ST18: variants seen among roughly 807,000 people sequenced by gnomAD.
ST18 encodes suppression of tumorigenicity 18 protein.
ST18 carries 50 observed loss-of-function variants against 110.0 expected under a neutral mutation model. That is an observed-to-expected ratio of 0.45 (90% CI 0.36 to 0.58). ST18 has a LOEUF of 0.58. Ranked by LOEUF, ST18 falls within the 20% of genes least tolerant of loss-of-function variation. ST18 has a pLI of 0.00. For missense variants in ST18, 1,306 were observed against 1,280.1 expected (o/e 1.02, Z -0.31); for synonymous variants, 461 against 452.4 (o/e 1.02, Z -0.24).
intron 15 of ST18, among the ~76,000 whole-genome samples, chr8:52,156,888 G>A (rs542114293): frequency 1.5e-4 from 23 of 152,290 alleles, no homozygotes; most frequent in African/African-American, 5.3e-4. Flanking sequence ...AGAACTCCCA[G>A]CATAACAAAC....
chr8:52,389,009 G>A, intron 2 of ST18, among the ~76,000 whole-genome samples: 1 of 151,722 alleles, frequency 6.6e-6, no homozygotes, highest in East Asian at 1.9e-4. Context: ...ACTTGGTGTC[G>A]GCGAGAAGGG....
chr8:52,243,983 T>C (rs1018738802), intron 2 of ST18, among the ~76,000 whole-genome samples: 5 of 152,144 alleles, frequency 3.3e-5, no homozygotes, highest in African/African-American at 1.2e-4. Context: ...TCCCCTCAGC[T>C]TACTTGCAGT....
intron 25 of ST18, among the ~76,000 whole-genome samples, chr8:52,115,507 A>G (rs983837891): frequency 6.6e-6 from 1 of 152,236 alleles, no homozygotes; most frequent in African/African-American, 2.4e-5. Context: ...ATGTTTAGAT[A>G]CACAAATACT....
intron 2 of ST18, among the ~76,000 whole-genome samples, chr8:52,392,883 T>A (rs1839779858): frequency 6.6e-6 from 1 of 152,182 alleles, no homozygotes; most frequent in East Asian, 1.9e-4. Context: ...CCATGACCAG[T>A]CTGACTGGTC....
chr8:52,279,965 C>T (rs1433958848), intron 2 of ST18, among the ~76,000 whole-genome samples: 3 of 151,958 alleles, frequency 2.0e-5, no homozygotes, highest in Non-Finnish European at 4.4e-5. Flanking sequence ...TAAACAGATA[C>T]CAATGCTAGA....
chr8:52,335,649 C>T (rs1564521072), intron 2 of ST18, among the ~76,000 whole-genome samples: 1 of 152,114 alleles, frequency 6.6e-6, no homozygotes, highest in Non-Finnish European at 1.5e-5. Context: ...AGTTTTCTAC[C>T]TGTGGTGTCA....
rs2065177313 is a variant in ST18, at chr8:52,172,107, A to G, written c.754T>C (p.Ser252Pro). The G allele has an allele frequency of 6.2e-7, 1 of 1,614,116 alleles. No homozygotes were observed. Among genetic ancestry groups the G allele is most frequent in the South Asian group, 1.1e-5 (1 of 91,092 alleles). Reference protein sequence around the residue: ...KFIPCENRCDSETERKDPQNA... With the variant: ...KFIPCENRCDPETERKDPQNA... Reference sequence around the variant, plus strand: ...TGCGGGTCTTTCCTTTCTGTTTCAGAATCACACCTGTTCTCACAAGGGATA... The same window carrying G: ...TGCGGGTCTTTCCTTTCTGTTTCAGGATCACACCTGTTCTCACAAGGGATA... Residue 252 changes from serine to proline, a missense_variant, in exon 10 of 26, where the codon TCT (serine) becomes CCT (proline). By Grantham distance (74) the Ser-to-Pro change is moderately conservative. Transcript: ENST00000689386.
chr8:52,393,425 C>T (rs577660780), intron 2 of ST18, among the ~76,000 whole-genome samples: 60 of 152,262 alleles, frequency 3.9e-4, no homozygotes, highest in African/African-American at 1.4e-3. Context: ...TGCATTGCAA[C>T]ACATCCTCAA....
At chr8:52,273,010 A>T (rs1277047316) in intron 2 of ST18, among the ~76,000 whole-genome samples, 1 of 152,246 alleles carries the variant, frequency 6.6e-6, no homozygotes, top group African/African-American at 2.4e-5. Flanking sequence ...AGAGTCAACA[A>T]TAATGTGCAC....
intron 8 of ST18, among the ~76,000 whole-genome samples, chr8:52,193,204 G>A (rs778927024): frequency 6.6e-6 from 1 of 152,202 alleles, no homozygotes; most frequent in Non-Finnish European, 1.5e-5. Context: ...AGATAATGAA[G>A]TTAATATACA....
At chr8:52,118,509 T>C (rs552375073) in intron 23 of ST18, 68 bp from the exon 24 acceptor site, 2 of 874,486 alleles carry the variant, frequency 2.3e-6, no homozygotes, top group Admixed American at 2.9e-5. Context: ...ATATGTTTAA[T>C]TTGTGATTTG....
At chr8:52,301,828 C>G (rs1490918104) in intron 2 of ST18, 3 of 151,766 alleles carry the variant, frequency 2.0e-5, no homozygotes, top group African/African-American at 4.8e-5. Flanking sequence ...CCTTTTTTTC[C>G]TCATTTCTTT....
rs139903672 is a variant in ST18 at position 52,164,774 on chromosome 8, C to A, written c.1295+361G>T. On this transcript the variant is annotated intron_variant, in intron 12 of 25. Transcript: ENST00000689386. Reference sequence around the variant, plus strand: ...CTTTTTAATGTCTATTGGACAGGATCCAGGATAACCTAGAAGCAACTCTTT... The same window carrying A: ...CTTTTTAATGTCTATTGGACAGGATACAGGATAACCTAGAAGCAACTCTTT... Among the ~76,000 whole-genome samples, 1,049 of 152,274 alleles carry A rather than the reference C, an allele frequency of 6.9e-3. 7 individuals carry two copies. The highest frequency in any genetic ancestry group is 0.01 in the Middle Eastern group (3 of 294).
At position 52,330,393 on chromosome 8, in the gene ST18, G is replaced by C. The variant is rs1328514205; in HGVS notation, c.-465+78935C>G. ...AGCTTTGAGAGACAAAAAATAATAAGAGTCTTCTAGGCTGTAGGCCAATAC... is the reference window on the plus strand; with the variant it reads ...AGCTTTGAGAGACAAAAAATAATAACAGTCTTCTAGGCTGTAGGCCAATAC... On this transcript the variant is annotated intron_variant, in intron 2 of 25. Coordinates refer to ENST00000689386, the MANE Select transcript of ST18 (RefSeq NM_001352837.2). 2.6e-5 allele frequency among the ~76,000 whole-genome samples: 4 copies of C among 152,136 alleles called. No homozygotes were observed. In the East Asian group the frequency reaches 7.7e-4, roughly 29 times the overall value.
intron 2 of ST18, among the ~76,000 whole-genome samples, chr8:52,373,582 T>C (rs933757019): frequency 1.3e-5 from 2 of 151,982 alleles, no homozygotes; most frequent in Non-Finnish European, 2.9e-5. Flanking sequence ...TCCCACTACC[T>C]GCTAGCACCT....
intron 2 of ST18, among the ~76,000 whole-genome samples, chr8:52,322,269 T>A (rs565271087): frequency 6.6e-6 from 1 of 152,350 alleles, no homozygotes; most frequent in East Asian, 1.9e-4. Context: ...TACCACAGGC[T>A]GGCTGTCTTG....
rs189196144 is a variant in ST18, at chr8:52,187,093, A to G, written c.87-6781T>C. ...CCATTTGCAGCCTGGTATAATGTTC[A>G]GCCAATGTGAGCTGCAAATTTCTTT... On this transcript the variant is annotated intron_variant, in intron 8 of 25. Transcript: ENST00000689386. Among the ~76,000 whole-genome samples, 4 of 152,358 alleles carry G rather than the reference A, an allele frequency of 2.6e-5. No individual in the cohort carries two copies. In the East Asian group the frequency reaches 7.7e-4, roughly 29 times the overall value.
intron 17 of ST18, among the ~76,000 whole-genome samples, chr8:52,140,146 T>G (rs763911549): frequency 1.2e-4 from 18 of 152,140 alleles, no homozygotes; most frequent in Non-Finnish European, 2.1e-4. Flanking sequence ...CAGGGTGACA[T>G]GGAATGTAGT....
intron 2 of ST18, among the ~76,000 whole-genome samples, chr8:52,310,749 G>A (rs1178773954): frequency 3.9e-5 from 6 of 152,156 alleles, no homozygotes; most frequent in Admixed American, 2.0e-4. Flanking sequence ...TTTAACCAGA[G>A]AGAGGCGGTT....
Sources: allele counts gnomAD v4.1 joint callset (sites outside exome capture counted in the v4.1 genomes callset), GRCh38; gene constraint gnomAD v4.1.1; transcripts MANE v1.5; gene names NCBI Gene and HGNC (gene_info 2026-07-23, HGNC 2026-07-21).